PPP1R42: variants seen among roughly 807,000 people sequenced by gnomAD.
The protein encoded by PPP1R42 is leucine rich repeat containing 67.
In PPP1R42, 34 loss-of-function variants were observed where a neutral mutation model predicts 31.0. The observed-to-expected ratio is 1.10, with a 90% CI of 0.83 to 1.46. PPP1R42 has a LOEUF of 1.46. PPP1R42 is among the 40% of genes most tolerant of loss of function. The pLI is 0.00. For synonymous variants in PPP1R42, 103 were observed against 109.8 expected (o/e 0.94, Z 0.39); for missense variants, 268 against 303.0 (o/e 0.88, Z 0.86).
chr8:66,968,554 C>T, intron 7 of PPP1R42: 1 of 885,512 alleles, frequency 1.1e-6, no homozygotes, highest in Non-Finnish European at 1.4e-6. Flanking sequence ...TAGCTTTAAT[C>T]AATTTTCTAG....
At chr8:67,004,548 A>G (rs984744364) in intron 5 of PPP1R42, among the ~76,000 whole-genome samples, 46 of 152,218 alleles carry the variant, frequency 3.0e-4, no homozygotes, top group African/African-American at 1.1e-3. Flanking sequence ...TATATTGAAT[A>G]TTTAATTTCC....
intron 5 of PPP1R42, among the ~76,000 whole-genome samples, chr8:67,009,256 T>TGA (rs1363108598): frequency 7.3e-6 from 1 of 137,186 alleles, no homozygotes; most frequent in Non-Finnish European, 1.6e-5. Context: ...GGCTACAGAG[T>TGA]GAGACTCCGT....
intron 5 of PPP1R42, among the ~76,000 whole-genome samples, chr8:66,997,641 G>A (rs1214294152): frequency 2.6e-5 from 4 of 151,178 alleles, no homozygotes; most frequent in African/African-American, 9.7e-5. Context: ...CGACCTCCAG[G>A]GCTCATGCAG....
chr8:66,972,570 A>G (rs1205138104), intron 7 of PPP1R42, among the ~76,000 whole-genome samples: 1 of 152,058 alleles, frequency 6.6e-6, no homozygotes, highest in Non-Finnish European at 1.5e-5. Flanking sequence ...TTGTACTATT[A>G]GTAGAGGCGG....
intron 5 of PPP1R42, among the ~76,000 whole-genome samples, chr8:66,998,602 G>T (rs1815398614): frequency 6.6e-6 from 1 of 152,162 alleles, no homozygotes; most frequent in African/African-American, 2.4e-5. Context: ...GAGTAATGTG[G>T]TATAGCAAAC....
intron 5 of PPP1R42, among the ~76,000 whole-genome samples, chr8:66,989,606 A>G (rs1292755771): frequency 6.6e-6 from 1 of 152,220 alleles, no homozygotes; most frequent in East Asian, 1.9e-4. Flanking sequence ...TAGCTTGGCT[A>G]TTGTGAATAT....
intron 5 of PPP1R42, among the ~76,000 whole-genome samples, chr8:66,990,139 T>G (rs935504522): frequency 1.4e-4 from 21 of 152,182 alleles, no homozygotes; most frequent in African/African-American, 5.1e-4. Flanking sequence ...TTGGCAGGGT[T>G]TAATAGAGCC....
At chr8:66,986,143 G>C in intron 6 of PPP1R42, 2 of 655,028 alleles carry the variant, frequency 3.1e-6, no homozygotes, top group Admixed American at 3.9e-5. Context: ...GACCACTGTA[G>C]GCTCTGAGAA....
At chr8:66,986,731 C>A (rs1266189076) in intron 6 of PPP1R42, among the ~76,000 whole-genome samples, 2 of 152,326 alleles carry the variant, frequency 1.3e-5, no homozygotes, top group Middle Eastern at 6.8e-3. Context: ...AGAATAAGTG[C>A]GCAAAAGTAA....
At chr8:66,973,142 T>C (rs1421807471) in intron 7 of PPP1R42, among the ~76,000 whole-genome samples, 1 of 152,202 alleles carries the variant, frequency 6.6e-6, no homozygotes, top group Non-Finnish European at 1.5e-5. Flanking sequence ...TAATTCTGAG[T>C]GCTTTCCATT....
chr8:66,982,689 C>T lies in PPP1R42; in HGVS notation c.671-509G>A, dbSNP rs371628128. Among the ~76,000 whole-genome samples the T allele has an allele frequency of 7.9e-5, 12 of 152,290 alleles. No individual in the cohort carries two copies. In the South Asian group the frequency reaches 1.4e-3, roughly 18 times the overall value. On this transcript the variant is annotated intron_variant, in intron 6 of 7. Transcript: ENST00000685739. ...CCCAGGCTGGCCTGGAACTCCTGAG[C>T]TTAAGCAATCCGCCTGCCTTGGCCT...
At chr8:66,985,797 C>G in intron 6 of PPP1R42, 1 of 1,222,882 alleles carries the variant, frequency 8.2e-7, no homozygotes, top group South Asian at 1.2e-5. Flanking sequence ...CGTCCATCAT[C>G]TGTTTGATGT....
At chr8:66,973,104 C>G (rs969507996) in intron 7 of PPP1R42, among the ~76,000 whole-genome samples, 16 of 152,046 alleles carry the variant, frequency 1.1e-4, no homozygotes, top group Non-Finnish European at 2.2e-4. Flanking sequence ...GTTCTTTTTT[C>G]TTCCCTTGCC....
At position 67,010,716 on chromosome 8, in the gene PPP1R42, T is replaced by C. The variant is rs1242196328; in HGVS notation, c.551A>G (p.Lys184Arg). Reference sequence around the variant, plus strand: ...AAAATTAATTTCTCTTTACACTACCTTCACATGCAGAAGTTGGTTGTCAAC... The same window carrying C: ...AAAATTAATTTCTCTTTACACTACCCTCACATGCAGAAGTTGGTTGTCAAC... Reference protein sequence around the residue: ...IAVDNQLLHVKDLEFLLNKLM... With the variant: ...IAVDNQLLHVRDLEFLLNKLM... Residue 184 changes from lysine to arginine, a missense_variant and splice_region_variant, in exon 5 of 8, where the codon AAG becomes AGG. Physicochemically the swap from Lys to Arg is conservative, Grantham distance 26 (BLOSUM62 2). Coordinates refer to ENST00000685739, the MANE Select transcript of PPP1R42 (RefSeq NM_001364910.1). The C allele has an allele frequency of 6.4e-7, 1 of 1,569,360 alleles. No individual in the cohort carries two copies. Among genetic ancestry groups the C allele is most frequent in the East Asian group, 2.3e-5 (1 of 44,346 alleles).
intron 5 of PPP1R42, among the ~76,000 whole-genome samples, chr8:67,004,924 G>A (rs1815627016): frequency 6.6e-6 from 1 of 152,080 alleles, no homozygotes; most frequent in Non-Finnish European, 1.5e-5. Context: ...TATCAGGATT[G>A]GGAGATGTTT....
chr8:67,013,013 C>T lies in PPP1R42; in HGVS notation c.380G>A (p.Arg127Lys), dbSNP rs1815890299. ...CAGAAGCTTTTCCCCAAGGGGAAGCCTCTGATTCTCAACATGAAGCTCTCT... is the reference window on the plus strand; with the variant it reads ...CAGAAGCTTTTCCCCAAGGGGAAGCTTCTGATTCTCAACATGAAGCTCTCT... Reference protein sequence around the residue: ...ELRELHVENQRLPLGEKLLFD... With the variant: ...ELRELHVENQKLPLGEKLLFD... Residue 127 changes from arginine (R) to lysine (K), a missense_variant, in exon 4 of 8, where the codon AGG (arginine) becomes AAG (lysine). Arg to Lys is a conservative substitution (Grantham distance 26). Coordinates refer to ENST00000685739, the MANE Select transcript of PPP1R42 (RefSeq NM_001364910.1). 6.2e-7 allele frequency: 1 copy of T among 1,612,298 alleles called. No individual in the cohort carries two copies. Among genetic ancestry groups the T allele is most frequent in the South Asian group, 1.1e-5 (1 of 90,510 alleles).
intron 1 of PPP1R42, 40 bp from the exon 2 acceptor site, chr8:67,017,871 C>A (rs1816064384): frequency 4.8e-6 from 5 of 1,034,844 alleles, no homozygotes; most frequent in Non-Finnish European, 6.4e-6. Flanking sequence ...GATATCATAG[C>A]AATTTAAGGA....
chr8:66,988,572 C>T, intron 5 of PPP1R42, 55 bp from the exon 6 acceptor site: 1 of 1,457,364 alleles, frequency 6.9e-7, no homozygotes, highest in Non-Finnish European at 9.3e-7. Flanking sequence ...ACCAATACTT[C>T]TAGCATGTCA....
At chr8:66,986,795 T>C (rs1265656104) in intron 6 of PPP1R42, among the ~76,000 whole-genome samples, 1 of 152,252 alleles carries the variant, frequency 6.6e-6, no homozygotes, top group Non-Finnish European at 1.5e-5. Flanking sequence ...ATAGCCTTTC[T>C]GATAGAAAGT....
Sources: allele counts gnomAD v4.1 joint callset (sites outside exome capture counted in the v4.1 genomes callset), GRCh38; gene constraint gnomAD v4.1.1; transcripts MANE v1.5; gene names NCBI Gene and HGNC (gene_info 2026-07-23, HGNC 2026-07-21).